The following ASTN2 variants were observed in gnomAD, a reference collection of about 807,000 sequenced individuals.
ASTN2 encodes astrotactin-2.
Under a neutral mutation model 139.8 loss-of-function variants are expected in ASTN2, and 54 were observed. The observed-to-expected ratio is 0.39, with a 90% CI of 0.31 to 0.48. The LOEUF is 0.48. Ranked by LOEUF, ASTN2 falls within the 20% of genes least tolerant of loss-of-function variation. The pLI, the probability that ASTN2 is intolerant of heterozygous loss-of-function variation, is 0.95. For synonymous variants in ASTN2, 756 were observed against 719.5 expected (o/e 1.05, Z -0.81); for missense variants, 1,565 against 1,725.1 (o/e 0.91, Z 1.64).
At position 117,301,517 on chromosome 9, in the gene ASTN2, G is replaced by T. The variant is rs990030355; in HGVS notation, c.443-10004C>A. Reference sequence around the variant, plus strand: ...GCTGAGATGTCTGAGGCCCTAAAAGGGGACTACACTTTTCCAAACCCTGAT... The same window carrying T: ...GCTGAGATGTCTGAGGCCCTAAAAGTGGACTACACTTTTCCAAACCCTGAT... On this transcript the variant is annotated intron_variant, in intron 1 of 22. Transcript: ENST00000313400. Among the ~76,000 whole-genome samples the T allele has an allele frequency of 3.3e-5, 5 of 152,274 alleles. No individual in the cohort carries two copies. The South Asian group carries it at 1.0e-3, about 32-fold the overall frequency.
rs2132116466 is a variant in ASTN2, at chr9:116,725,903, C to T, written c.2674G>A (p.Glu892Lys). 6.2e-7 allele frequency: 1 copy of T among 1,613,946 alleles called. No homozygotes were observed. The highest frequency in any genetic ancestry group is 2.2e-5 in the East Asian group (1 of 44,870). ...KILTKESSRE[E>K]LLSFIQHYGS... is the part of the protein sequence containing the mutation. ...TAGTGCTGGATGAAGGACAGCAGCT[C>T]CTCCCGACTGCTCTCCTTGGTCAGG... is the stretch of plus-strand genomic sequence containing the variant. The change falls in exon 16 of 23, where the codon GAG (glutamate) becomes AAG (lysine). Residue 892 changes from glutamate to lysine, a missense_variant. Around this residue, in one of 4 missense-constraint regions of ASTN2, gnomAD observed 503 missense variants for 591.7 expected, o/e 0.85. Coordinates refer to ENST00000313400, the MANE Select transcript of ASTN2 (RefSeq NM_001365068.1).
chr9:116,773,553 C>G (rs977275953), intron 13 of ASTN2, among the ~76,000 whole-genome samples: 3 of 152,072 alleles, frequency 2.0e-5, no homozygotes, highest in Admixed American at 6.5e-5. Flanking sequence ...TAAAAAGTTG[C>G]AATAAACACA....
chr9:116,680,105 A>C (rs956522088), intron 16 of ASTN2, among the ~76,000 whole-genome samples: 1 of 152,194 alleles, frequency 6.6e-6, no homozygotes, highest in Non-Finnish European at 1.5e-5. Context: ...TGAAAGGATC[A>C]ACAAAATTGA....
intron 19 of ASTN2, chr9:116,611,053 C>T (rs1393444643): frequency 6.6e-6 from 1 of 152,044 alleles, no homozygotes; most frequent in Non-Finnish European, 1.5e-5. Flanking sequence ...AAACTAGTCT[C>T]AATAAATTTA....
intron 10 of ASTN2, among the ~76,000 whole-genome samples, chr9:116,878,326 G>A (rs868201832): frequency 1.3e-5 from 2 of 152,116 alleles, no homozygotes; most frequent in African/African-American, 4.8e-5. Flanking sequence ...ATGACAGACT[G>A]GATAAAGAAA....
intron 1 of ASTN2, among the ~76,000 whole-genome samples, chr9:117,332,494 A>G (rs1484715818): frequency 1.3e-5 from 2 of 152,190 alleles, no homozygotes; most frequent in Non-Finnish European, 2.9e-5. Flanking sequence ...TGAGCCAGAG[A>G]GGCAGAGTTT....
intron 22 of ASTN2, among the ~76,000 whole-genome samples, chr9:116,434,002 G>C (rs1328765220): frequency 6.6e-6 from 1 of 152,146 alleles, no homozygotes; most frequent in African/African-American, 2.4e-5. Context: ...AACTAACCTT[G>C]CTATATACTG....
chr9:116,470,160 C>T (rs1199111963), intron 20 of ASTN2, among the ~76,000 whole-genome samples: 1 of 152,058 alleles, frequency 6.6e-6, no homozygotes, highest in African/African-American at 2.4e-5. Flanking sequence ...GCCAAGATCA[C>T]ACCACTGCAC....
At chr9:117,015,810 T>C (rs1423367913) in intron 6 of ASTN2, among the ~76,000 whole-genome samples, 2 of 152,154 alleles carry the variant, frequency 1.3e-5, no homozygotes, top group African/African-American at 4.8e-5. Context: ...TTGGTTAAGA[T>C]TGGGGTTTCC....
intron 20 of ASTN2, among the ~76,000 whole-genome samples, chr9:116,474,808 G>T (rs1024902120): frequency 6.6e-6 from 1 of 152,208 alleles, no homozygotes; most frequent in Non-Finnish European, 1.5e-5. Context: ...AAGGCCCCAG[G>T]TGGATGGACA....
At chr9:116,633,000 A>T (rs1856884962) in intron 17 of ASTN2, among the ~76,000 whole-genome samples, 1 of 152,224 alleles carries the variant, frequency 6.6e-6, no homozygotes, top group Admixed American at 6.5e-5. Context: ...AAGTCTGAGG[A>T]AAGAAGACTG....
intron 6 of ASTN2, among the ~76,000 whole-genome samples, chr9:117,022,367 AAAG>A (rs1454004982): frequency 6.6e-6 from 1 of 152,110 alleles, no homozygotes; most frequent in Non-Finnish European, 1.5e-5. Context: ...CAGTCAGAGC[AAAG>A]AAGATGCATA....
At chr9:117,242,362 C>T (rs1833241365) in intron 2 of ASTN2, among the ~76,000 whole-genome samples, 1 of 152,192 alleles carries the variant, frequency 6.6e-6, no homozygotes, top group Admixed American at 6.5e-5. Context: ...TTGAGTTTCT[C>T]CCTGTACCAA....
intron 1 of ASTN2, among the ~76,000 whole-genome samples, chr9:117,312,878 C>T (rs921395438): frequency 2.0e-5 from 3 of 151,950 alleles, no homozygotes; most frequent in Non-Finnish European, 2.9e-5. Context: ...CCAACAAAAC[C>T]GTAAAAAAAA....
Position 116,426,023 on chromosome 9 carries a change from C to T in ASTN2, c.3848G>A (p.Ser1283Asn), listed in dbSNP as rs748914262. The T allele has an allele frequency of 6.2e-7, 1 of 1,614,014 alleles. No individual in the cohort carries two copies. The highest frequency in any genetic ancestry group is 1.3e-5 in the African/African-American group (1 of 74,942). The change falls in exon 23 of 23, where the codon AGT (serine) becomes AAT (asparagine). Residue 1283 changes from serine to asparagine, a missense_variant. Ser to Asn is a conservative substitution (Grantham distance 46). Around this residue, in one of 4 missense-constraint regions of ASTN2, gnomAD observed 418 missense variants for 465.8 expected, o/e 0.90. Coordinates refer to ENST00000313400, the MANE Select transcript of ASTN2 (RefSeq NM_001365068.1). ...TTCCACGCGGCTCTGGATGTAGGCA[C>T]TCCGCAGGAGGCTGGAGCAGTGGCT... is the stretch of plus-strand genomic sequence containing the variant. Reference protein sequence around the residue: ...VSSHCSSLLRSAYIQSRVETV... With the variant: ...VSSHCSSLLRNAYIQSRVETV...
At chr9:116,967,033 C>G (rs1836030725) in intron 10 of ASTN2, among the ~76,000 whole-genome samples, 1 of 152,200 alleles carries the variant, frequency 6.6e-6, no homozygotes, top group Non-Finnish European at 1.5e-5. Flanking sequence ...GACTTAACAT[C>G]TTTGTGCCTC....
At chr9:116,926,018 C>A (rs1008612783) in intron 10 of ASTN2, among the ~76,000 whole-genome samples, 1 of 152,062 alleles carries the variant, frequency 6.6e-6, no homozygotes, top group Non-Finnish European at 1.5e-5. Context: ...GATTTAAATT[C>A]CATCCTTTCT....
chr9:116,569,287 A>G (rs910463211), intron 19 of ASTN2, among the ~76,000 whole-genome samples: 11 of 152,210 alleles, frequency 7.2e-5, no homozygotes, highest in Non-Finnish European at 1.2e-4. Flanking sequence ...TGTGTGTGAA[A>G]ATGACAAATA....
At position 116,651,644 on chromosome 9, in the gene ASTN2, T is replaced by C; in HGVS notation, c.2956A>G (p.Thr986Ala). The change falls in exon 17 of 23, where the codon ACC becomes GCC. Residue 986 changes from threonine to alanine, a missense_variant. By Grantham distance (58) the Thr-to-Ala change is moderately conservative (BLOSUM62 0). Coordinates refer to ENST00000313400, the MANE Select transcript of ASTN2 (RefSeq NM_001365068.1). ...CCTGGCCGGCGGCAAAGGTGACAGG[T>C]AGATGGACAGCGCCCCTTCTCCTCA... ...RCEEKGRCPS[T>A]CHLCRRPGKE... The C allele has an allele frequency of 1.2e-6, 2 of 1,613,966 alleles. No homozygotes were observed. The highest frequency in any genetic ancestry group is 2.2e-5 in the East Asian group (1 of 44,868).
Sources: gnomAD v4.1 joint callset for allele counts (sites outside exome capture counted in the v4.1 genomes callset) on GRCh38, gnomAD v4.1.1 for gene constraint, gnomAD v4.1.1 regional missense constraint, MANE v1.5 for transcripts, NCBI Gene and HGNC (gene_info 2026-07-23, HGNC 2026-07-21) for gene names.